ZSWIM5: variants seen among roughly 807,000 people sequenced by gnomAD.
ZSWIM5 encodes zinc finger SWIM-type containing 5.
ZSWIM5 carries 55 observed loss-of-function variants against 119.6 expected under a neutral mutation model. That is an observed-to-expected ratio of 0.46 (90% CI 0.37 to 0.58). The LOEUF is 0.58. Among genes scored for constraint, ZSWIM5 ranks in the 20% least tolerant of loss-of-function variants. The pLI, the probability that ZSWIM5 is intolerant of heterozygous loss-of-function variation, is 0.00. For synonymous variants in ZSWIM5, 537 were observed against 606.9 expected (o/e 0.88, Z 1.69); for missense variants, 1,193 against 1,512.8 (o/e 0.79, Z 3.51).
At chr1:45,037,002 T>C (rs1314049696) in intron 8 of ZSWIM5, among the ~76,000 whole-genome samples, 2 of 151,910 alleles carry the variant, frequency 1.3e-5, no homozygotes, top group Admixed American at 6.6e-5. Flanking sequence ...GGTCTCATTA[T>C]GTTGCCCAGG....
At chr1:45,042,258 T>G (rs1429935455) in intron 6 of ZSWIM5, among the ~76,000 whole-genome samples, 4 of 152,190 alleles carry the variant, frequency 2.6e-5, no homozygotes, top group Non-Finnish European at 5.9e-5. Flanking sequence ...AGTACCTAGC[T>G]CCATGTAACC....
intron 4 of ZSWIM5, 37 bp downstream of exon 4, chr1:45,058,572 G>T: frequency 6.2e-7 from 1 of 1,612,778 alleles, no homozygotes; most frequent in Non-Finnish European, 8.5e-7. Context: ...GGGCAAGATG[G>T]TAGAACAAAG....
intron 1 of ZSWIM5, among the ~76,000 whole-genome samples, chr1:45,106,477 C>T (rs1414930234): frequency 2.9e-5 from 4 of 139,186 alleles, no homozygotes; most frequent in East Asian, 2.2e-4. Context: ...AAGTGGGGGG[C>T]GCCTCTGCCC....
In ZSWIM5 at chr1:45,069,604, T is replaced by G. The variant is rs796702958; in HGVS notation, c.953-9357A>C. Among the ~76,000 whole-genome samples the G allele has an allele frequency of 3.3e-5, 5 of 152,256 alleles. No homozygotes were observed. In the East Asian group the frequency reaches 5.8e-4, roughly 18 times the overall value. On this transcript the variant is annotated intron_variant, in intron 2 of 13. Coordinates refer to ENST00000359600, the MANE Select transcript of ZSWIM5 (RefSeq NM_020883.2). The stretch of plus-strand genomic sequence containing the variant: ...TACATTTTTCCTCCTCTTTTTCATC[T>G]CTCTTTTTGTTCTACTCCATAGGAA...
intron 8 of ZSWIM5, 157 bp from the exon 9 acceptor site, chr1:45,036,456 G>T: frequency 3.2e-6 from 2 of 616,494 alleles, no homozygotes; most frequent in Non-Finnish European, 4.0e-6. Context: ...CCCGGTTCAA[G>T]CGATTTTCCT....
chr1:45,096,434 T>TGTGTGTGTG (rs1645402180), intron 1 of ZSWIM5, among the ~76,000 whole-genome samples: 1 of 144,344 alleles, frequency 6.9e-6, no homozygotes, highest in African/African-American at 2.5e-5. Flanking sequence ...AGATAACTGT[T>TGTGTGTGTG]TGTGTGTGTG....
At chr1:45,046,131 A>C (rs909162357) in intron 5 of ZSWIM5, among the ~76,000 whole-genome samples, 3 of 152,146 alleles carry the variant, frequency 2.0e-5, no homozygotes, top group Non-Finnish European at 2.9e-5. Flanking sequence ...CATGAGAAAA[A>C]GATGACTTTG....
At chr1:45,109,872 T>TC (rs1341383449) in intron 1 of ZSWIM5, among the ~76,000 whole-genome samples, 1 of 152,172 alleles carries the variant, frequency 6.6e-6, no homozygotes, top group Non-Finnish European at 1.5e-5. Context: ...ACTATATTTT[T>TC]CCTTTTTTTT....
intron 1 of ZSWIM5, among the ~76,000 whole-genome samples, chr1:45,163,006 C>T (rs1645873250): frequency 6.6e-6 from 1 of 152,320 alleles, no homozygotes; most frequent in East Asian, 1.9e-4. Flanking sequence ...GATCTCAGAA[C>T]AGACAGACTG....
intron 1 of ZSWIM5, among the ~76,000 whole-genome samples, chr1:45,171,847 A>T (rs1645947762): frequency 6.6e-6 from 1 of 152,130 alleles, no homozygotes; most frequent in East Asian, 1.9e-4. Context: ...AATTTAACCA[A>T]CTAACCAGAA....
intron 1 of ZSWIM5, among the ~76,000 whole-genome samples, chr1:45,111,975 T>C (rs1645521100): frequency 6.6e-6 from 1 of 152,252 alleles, no homozygotes. Context: ...GCTGGAGTCA[T>C]ACTGCCTGGG....
At chr1:45,067,451 A>AAAAAAAAG (rs1553191166) in intron 2 of ZSWIM5, among the ~76,000 whole-genome samples, 7 of 136,720 alleles carry the variant, frequency 5.1e-5, no homozygotes, top group African/African-American at 1.9e-4. Flanking sequence ...AAAAAAAAAA[A>AAAAAAAAG]AAAGAAAGAA....
chr1:45,034,496 C>G, intron 10 of ZSWIM5, 27 bp from the exon 11 acceptor site: 1 of 1,581,508 alleles, frequency 6.3e-7, no homozygotes, highest in Non-Finnish European at 8.6e-7. Context: ...GAATCATCAG[C>G]CACCATCCAG....
chr1:45,114,485 AAACT>A (rs1289462367), intron 1 of ZSWIM5, among the ~76,000 whole-genome samples: 1 of 152,218 alleles, frequency 6.6e-6, no homozygotes, highest in African/African-American at 2.4e-5. Flanking sequence ...CATGAAGCAA[AAACT>A]AACAGAATTA....
At chr1:45,141,658 A>G (rs1645728110) in intron 1 of ZSWIM5, among the ~76,000 whole-genome samples, 1 of 152,220 alleles carries the variant, frequency 6.6e-6, no homozygotes, top group Admixed American at 6.5e-5. Context: ...ATACAATGAT[A>G]TAGGTAGACT....
intron 1 of ZSWIM5, among the ~76,000 whole-genome samples, chr1:45,117,049 C>T (rs1570116790): frequency 6.6e-6 from 1 of 152,170 alleles, no homozygotes; most frequent in Non-Finnish European, 1.5e-5. Context: ...TTGGGATCCA[C>T]AGCAGGAACC....
At chr1:45,110,160 C>T (rs746772864) in intron 1 of ZSWIM5, among the ~76,000 whole-genome samples, 8 of 152,202 alleles carry the variant, frequency 5.3e-5, no homozygotes, top group African/African-American at 7.2e-5. Flanking sequence ...AGCCACCACA[C>T]CTGCCCTTGT....
chr1:45,018,320 T>C lies in ZSWIM5; in HGVS notation c.*134A>G. On this transcript the variant is annotated 3_prime_UTR_variant, in exon 14 of 14. Coordinates refer to ENST00000359600, the MANE Select transcript of ZSWIM5 (RefSeq NM_020883.2). The surrounding 1 kb of genome is among the most constrained non-coding windows in gnomAD (Gnocchi z 6.7). ...ACTAGAGCTGGACTTTCCCCATCCT[T>C]AGCCCTGTGGTCCTTTGGCCTCATC... The C allele has an allele frequency of 9.0e-7, 1 of 1,113,008 alleles. No individual in the cohort carries two copies. The highest frequency in any genetic ancestry group is 3.1e-4 in the Middle Eastern group (1 of 3,272). 68.9% of individuals were successfully genotyped at this position (1,113,008 alleles called of 1,614,324 possible). A position where few individuals can be genotyped will look rare whatever the true frequency, so the allele number is the denominator to read the frequency against.
chr1:45,109,080 C>T (rs965570272), intron 1 of ZSWIM5, among the ~76,000 whole-genome samples: 1 of 152,214 alleles, frequency 6.6e-6, no homozygotes, highest in Non-Finnish European at 1.5e-5. Context: ...TTCCATCTTG[C>T]AACTTGACCT....
Sources: gnomAD v4.1 joint callset for allele counts (sites outside exome capture counted in the v4.1 genomes callset) on GRCh38, gnomAD v4.1.1 for gene constraint, Gnocchi (gnomAD v3.1) non-coding constraint, MANE v1.5 for transcripts, NCBI Gene and HGNC (gene_info 2026-07-23, HGNC 2026-07-21) for gene names.